Variants in TAFA2 observed in about 807,000 individuals in gnomAD.
TAFA2 encodes TAFA chemokine like family member 2, also known as chemokine-like protein TAFA-2.
A neutral mutation model predicts 18.8 loss-of-function variants in TAFA2; 7 were observed. The ratio of observed to expected loss-of-function variants is 0.37; its 90% CI spans 0.21 to 0.70. TAFA2 has a LOEUF of 0.70. TAFA2 is among the 30% of genes least tolerant of loss of function. TAFA2 has a pLI of 0.53. For synonymous variants in TAFA2, 60 were observed against 54.2 expected, an observed-to-expected ratio of 1.11 and a Z score of -0.47; for missense variants, 122 against 158.1, an observed-to-expected ratio of 0.77 and a Z score of 1.23.
rs79653890 is a variant in TAFA2 at position 62,133,333 on chromosome 12, T to C, written c.-2+57926A>G. 7.9e-3 allele frequency among the ~76,000 whole-genome samples: 1,195 copies of C among 152,122 alleles called. 11 individuals carry two copies. The highest frequency in any genetic ancestry group is 0.027 in the African/African-American group (1,101 of 41,526). On this transcript the variant is annotated intron_variant, in intron 1 of 4. Transcript: ENST00000416284. Reference sequence around the variant, plus strand: ...AATATGGAACCCAGGACTAAGCATGTCAGTGTGAGTATTTTCCTGGCTCCA... The same window carrying C: ...AATATGGAACCCAGGACTAAGCATGCCAGTGTGAGTATTTTCCTGGCTCCA...
chr12:61,783,969 G>A (rs1263388181), intron 2 of TAFA2, among the ~76,000 whole-genome samples: 1 of 151,458 alleles, frequency 6.6e-6, no homozygotes, highest in Non-Finnish European at 1.5e-5. Context: ...ATCAACATCA[G>A]ATGATGTATA....
chr12:61,998,604 C>T (rs1417409334), intron 1 of TAFA2, among the ~76,000 whole-genome samples: 1 of 152,142 alleles, frequency 6.6e-6, no homozygotes, highest in African/African-American at 2.4e-5. Flanking sequence ...GAAACTGAAG[C>T]TCCAAGGAGT....
chr12:61,870,368 C>G (rs1874546325), intron 1 of TAFA2, among the ~76,000 whole-genome samples: 1 of 152,190 alleles, frequency 6.6e-6, no homozygotes. Context: ...GTCTTTTTCA[C>G]AACTATATTT....
chr12:62,009,181 C>T (rs1392636133), intron 1 of TAFA2, among the ~76,000 whole-genome samples: 1 of 152,150 alleles, frequency 6.6e-6, no homozygotes, highest in African/African-American at 2.4e-5. Context: ...GCAAAACACA[C>T]TGCTTAAACA....
intron 1 of TAFA2, chr12:61,880,381 G>T: frequency 1.9e-6 from 1 of 529,194 alleles, no homozygotes; most frequent in Non-Finnish European, 3.8e-6. Flanking sequence ...ACACCAAGCT[G>T]TTGGAGCTGG....
At chr12:61,711,293 A>T (rs899883320) in intron 4 of TAFA2, among the ~76,000 whole-genome samples, 1 of 151,710 alleles carries the variant, frequency 6.6e-6, no homozygotes, top group African/African-American at 2.4e-5. Context: ...AGATTTTGAG[A>T]GAGAGAGAGG....
chr12:61,927,515 CACAA>C (rs2121384113), intron 1 of TAFA2, among the ~76,000 whole-genome samples: 1 of 152,202 alleles, frequency 6.6e-6, no homozygotes, highest in East Asian at 1.9e-4. Context: ...TAAGAGAAGA[CACAA>C]ACAAATGGGA....
chr12:62,164,515 C>G (rs1331420167), intron 1 of TAFA2, among the ~76,000 whole-genome samples: 1 of 152,080 alleles, frequency 6.6e-6, no homozygotes, highest in African/African-American at 2.4e-5. Context: ...CTAGTTAAGG[C>G]TCAGGCCTTA....
At chr12:61,964,969 C>A (rs151198552) in intron 1 of TAFA2, among the ~76,000 whole-genome samples, 2 of 151,828 alleles carry the variant, frequency 1.3e-5, no homozygotes, top group Non-Finnish European at 2.9e-5. Context: ...GTAATCTATG[C>A]CTCCTCTACC....
At chr12:61,733,091 T>G (rs1382126147) in intron 4 of TAFA2, among the ~76,000 whole-genome samples, 1 of 152,098 alleles carries the variant, frequency 6.6e-6, no homozygotes, top group Non-Finnish European at 1.5e-5. Context: ...TGAACTAACA[T>G]GTCCTTCGCC....
At chr12:62,035,628 G>A (rs1466126447) in intron 1 of TAFA2, among the ~76,000 whole-genome samples, 1 of 151,660 alleles carries the variant, frequency 6.6e-6, no homozygotes, top group Non-Finnish European at 1.5e-5. Flanking sequence ...GAGTGCAATG[G>A]GAAAACAGCC....
At chr12:61,896,399 T>C (rs1196192311) in intron 1 of TAFA2, among the ~76,000 whole-genome samples, 1 of 152,186 alleles carries the variant, frequency 6.6e-6, no homozygotes, top group African/African-American at 2.4e-5. Context: ...TCTACCAAAC[T>C]CCACACTTTT....
chr12:61,800,369 C>A (rs561022407), intron 2 of TAFA2, among the ~76,000 whole-genome samples: 1 of 152,096 alleles, frequency 6.6e-6, no homozygotes, highest in East Asian at 1.9e-4. Context: ...CAGCTTGATG[C>A]AATTTACATT....
At chr12:61,752,793 C>G (rs925676359) in intron 4 of TAFA2, among the ~76,000 whole-genome samples, 1 of 151,902 alleles carries the variant, frequency 6.6e-6, no homozygotes, top group Non-Finnish European at 1.5e-5. Flanking sequence ...ATTAGCCAGT[C>G]TCTACTTTTA....
At chr12:62,096,964 A>C (rs180873332) in intron 1 of TAFA2, among the ~76,000 whole-genome samples, 10 of 152,070 alleles carry the variant, frequency 6.6e-5, no homozygotes, top group African/African-American at 9.6e-5. Context: ...CATTTTGCAT[A>C]TCTCTCTCTC....
chr12:62,066,534 C>T lies in TAFA2; in HGVS notation c.-2+124725G>A, dbSNP rs570112437. On this transcript the variant is annotated intron_variant, in intron 1 of 4. Transcript: ENST00000416284. Reference sequence around the variant, plus strand: ...GTTCAATTATTTTCATTTTTAGTTTCCACAAATAAGTGAGAGAACAAGCAA... The same window carrying T: ...GTTCAATTATTTTCATTTTTAGTTTTCACAAATAAGTGAGAGAACAAGCAA... Among the ~76,000 whole-genome samples, 21 of 152,006 alleles carry T rather than the reference C, an allele frequency of 1.4e-4. No homozygotes were observed. The East Asian group carries it at 4.1e-3, about 29-fold the overall frequency.
At chr12:61,860,494 T>C (rs1028915006) in intron 2 of TAFA2, among the ~76,000 whole-genome samples, 7 of 152,210 alleles carry the variant, frequency 4.6e-5, no homozygotes, top group Non-Finnish European at 8.8e-5. Context: ...TAGGCTAAAT[T>C]GGATCAAACA....
chr12:61,895,108 G>C (rs543605566), intron 1 of TAFA2, among the ~76,000 whole-genome samples: 3 of 152,200 alleles, frequency 2.0e-5, no homozygotes, highest in Admixed American at 2.0e-4. Context: ...TTCAGGGTCT[G>C]GTACCTAGCA....
intron 1 of TAFA2, among the ~76,000 whole-genome samples, chr12:62,095,959 C>T (rs11174314): frequency 0.19 from 28,263 of 151,910 alleles, 2,879 homozygotes; most frequent in East Asian, 0.39. Flanking sequence ...AAAAAGAATG[C>T]TACAGGTCTG....
Sources: allele counts gnomAD v4.1 joint callset (sites outside exome capture counted in the v4.1 genomes callset), GRCh38; gene constraint gnomAD v4.1.1; transcripts MANE v1.5; gene names NCBI Gene and HGNC (gene_info 2026-07-23, HGNC 2026-07-21).